DSCAML1: variants seen among roughly 807,000 people sequenced by gnomAD.
DSCAML1 encodes the protein DS cell adhesion molecule like 1.
In DSCAML1, 38 loss-of-function variants were observed where a neutral mutation model predicts 200.5. That is an observed-to-expected ratio of 0.19 (90% confidence interval 0.15 to 0.25). The LOEUF is 0.25. Among genes scored for constraint, DSCAML1 ranks in the 10% least tolerant of loss-of-function variants. The pLI is 1.00. For missense variants in DSCAML1, 2,223 were observed against 2,858.8 expected (o/e 0.78, Z 5.07); for synonymous variants, 1,215 against 1,165.0 (o/e 1.04, Z -0.87).
intron 3 of DSCAML1, among the ~76,000 whole-genome samples, chr11:117,771,367 T>C (rs999356395): frequency 8.5e-5 from 13 of 152,324 alleles, no homozygotes; most frequent in African/African-American, 3.1e-4. Context: ...GTGTCTCCCA[T>C]GGGGCCAAAA....
intron 3 of DSCAML1, among the ~76,000 whole-genome samples, chr11:117,774,128 C>G (rs1243459882): frequency 6.6e-6 from 1 of 152,224 alleles, no homozygotes; most frequent in Non-Finnish European, 1.5e-5. Flanking sequence ...ATCCCATGCC[C>G]AGCCTGCTGT....
intron 3 of DSCAML1, among the ~76,000 whole-genome samples, chr11:117,548,131 C>A (rs1189933308): frequency 6.6e-6 from 1 of 152,212 alleles, no homozygotes. Context: ...CCAGCGGCCG[C>A]TGTCGCCCCA....
At chr11:117,502,425 C>T (rs951572707) in intron 11 of DSCAML1, among the ~76,000 whole-genome samples, 1 of 152,234 alleles carries the variant, frequency 6.6e-6, no homozygotes, top group Admixed American at 6.5e-5. Flanking sequence ...CCAGAATTAG[C>T]CAAGCTCTCC....
chr11:117,704,854 C>T (rs1455555931), intron 3 of DSCAML1, among the ~76,000 whole-genome samples: 1 of 152,156 alleles, frequency 6.6e-6, no homozygotes, highest in Non-Finnish European at 1.5e-5. Context: ...CCACCAGAGG[C>T]CCAGCCAGGC....
At chr11:117,583,626 T>G (rs2051085289) in intron 3 of DSCAML1, among the ~76,000 whole-genome samples, 1 of 151,952 alleles carries the variant, frequency 6.6e-6, no homozygotes, top group African/African-American at 2.4e-5. Context: ...AGGTCTGCCC[T>G]CCCCCCATCA....
chr11:117,698,492 C>T (rs912672142), intron 3 of DSCAML1, among the ~76,000 whole-genome samples: 1 of 152,162 alleles, frequency 6.6e-6, no homozygotes, highest in Admixed American at 6.5e-5. Flanking sequence ...TACTGTTTTC[C>T]AGAATGGCTA....
At chr11:117,633,474 T>C (rs1482290167) in intron 3 of DSCAML1, among the ~76,000 whole-genome samples, 1 of 152,198 alleles carries the variant, frequency 6.6e-6, no homozygotes, top group African/African-American at 2.4e-5. Context: ...TGGCTGTACC[T>C]ATCTTATCTG....
intron 11 of DSCAML1, among the ~76,000 whole-genome samples, chr11:117,484,345 A>G (rs2048994514): frequency 6.6e-6 from 1 of 152,150 alleles, no homozygotes; most frequent in African/African-American, 2.4e-5. Context: ...CACACCACAC[A>G]GCAAGCCACC....
Position 117,439,449 on chromosome 11 carries a change from G to A in DSCAML1, c.3981-20C>T, listed in dbSNP as rs773400669. ...TCTTCACTGCCAGGGGCGAGGATGG[G>A]GCGGGTGGGTCATGTCAAGCACCCC... On this transcript the variant is annotated intron_variant, in intron 22 of 32. Coordinates refer to ENST00000651296, the MANE Select transcript of DSCAML1 (RefSeq NM_020693.4). 6.2e-7 allele frequency: 1 copy of A among 1,606,050 alleles called. No homozygotes were observed. The highest frequency in any genetic ancestry group is 8.5e-7 in the Non-Finnish European group (1 of 1,176,426).
Position 117,465,019 on chromosome 11 carries a change from C to T in DSCAML1, c.3188G>A (p.Gly1063Glu). The change falls in exon 17 of 33, where the codon GGG becomes GAG. Residue 1063 changes from glycine to glutamate, a missense_variant. Transcript: ENST00000651296. ...LDNLKKFAQY[G>E]VVVQAFNRAG... ...CCGATTGAAGGCTTGGACCACCACC[C>T]CATACTGGGCGAACTTCTTGAGGTT... is the stretch of plus-strand genomic sequence containing the variant. The T allele has an allele frequency of 6.2e-7, 1 of 1,614,122 alleles. No individual in the cohort carries two copies. The highest frequency in any genetic ancestry group is 8.5e-7 in the Non-Finnish European group (1 of 1,179,974).
intron 4 of DSCAML1, among the ~76,000 whole-genome samples, chr11:117,530,118 C>T (rs2050046515): frequency 1.3e-5 from 2 of 152,078 alleles, no homozygotes; most frequent in South Asian, 4.2e-4. Flanking sequence ...ATCTTCATGC[C>T]CGCTTTTCTA....
At chr11:117,552,322 G>A (rs1016357963) in intron 3 of DSCAML1, among the ~76,000 whole-genome samples, 1 of 150,054 alleles carries the variant, frequency 6.7e-6, no homozygotes, top group Non-Finnish European at 1.5e-5. Flanking sequence ...CTCCTATGGA[G>A]CAAATAGAAC....
chr11:117,667,908 A>T (rs2053012749), intron 3 of DSCAML1, among the ~76,000 whole-genome samples: 1 of 152,174 alleles, frequency 6.6e-6, no homozygotes, highest in Non-Finnish European at 1.5e-5. Context: ...GAAGGGAGGG[A>T]TATGGAATCT....
chr11:117,588,558 C>A (rs1056141514), intron 3 of DSCAML1, among the ~76,000 whole-genome samples: 2 of 152,180 alleles, frequency 1.3e-5, no homozygotes, highest in South Asian at 4.1e-4. Context: ...AACACACAGG[C>A]ATCCCGGATA....
At chr11:117,543,435 GTGTGTACCTGCACTGGCA>G (rs1565778127) in intron 3 of DSCAML1, among the ~76,000 whole-genome samples, 1 of 152,096 alleles carries the variant, frequency 6.6e-6, no homozygotes, top group Non-Finnish European at 1.5e-5. Context: ...CTGTGCTGGT[GTGTGTACCTGCACTGGCA>G]TGTGTACCTG....
At chr11:117,768,007 C>T (rs1001811585) in intron 3 of DSCAML1, among the ~76,000 whole-genome samples, 2 of 152,144 alleles carry the variant, frequency 1.3e-5, no homozygotes, top group African/African-American at 2.4e-5. Flanking sequence ...AGCCACACTG[C>T]CTCTGTGTCC....
At chr11:117,458,390 G>C (rs2048415391) in intron 19 of DSCAML1, among the ~76,000 whole-genome samples, 2 of 152,170 alleles carry the variant, frequency 1.3e-5, no homozygotes, top group African/African-American at 4.8e-5. Context: ...CGATGCTCCT[G>C]CTTCCCCTAG....
chr11:117,682,217 T>C (rs1390668855), intron 3 of DSCAML1, among the ~76,000 whole-genome samples: 1 of 152,188 alleles, frequency 6.6e-6, no homozygotes, highest in Admixed American at 6.5e-5. Flanking sequence ...ACACGTGAGA[T>C]GCAGCTCATC....
rs559119644 is a variant in DSCAML1, at chr11:117,428,613, C to G, written c.5877G>C (p.Gly1959=). The change falls in exon 33 of 33, where the codon GGG becomes GGC. Residue 1959 remains glycine, a synonymous_variant. Transcript: ENST00000651296. ...ASKSLGLPHP[G]APAAASTATL... The stretch of plus-strand genomic sequence containing the variant: ...TGGCTGTGGAGGCGGCAGCGGGGGC[C>G]CCTGGGTGGGGAAGGCCCAAGGACT... 329 of 1,607,764 alleles carry G rather than the reference C, an allele frequency of 2.0e-4. 5 individuals carry two copies. The South Asian group carries it at 3.4e-3, about 17-fold the overall frequency.
Sources: gnomAD v4.1 joint callset for allele counts (sites outside exome capture counted in the v4.1 genomes callset) on GRCh38, gnomAD v4.1.1 for gene constraint, MANE v1.5 for transcripts, NCBI Gene and HGNC (gene_info 2026-07-23, HGNC 2026-07-21) for gene names.